SLC22A3: variants seen among roughly 807,000 people sequenced by gnomAD.
SLC22A3 encodes the protein solute carrier family 22 member 3, also known as EMT organic cation transporter 3.
In SLC22A3, 51 loss-of-function variants were observed where a neutral mutation model predicts 59.1. The ratio of observed to expected loss-of-function variants is 0.86; its 90% CI spans 0.69 to 1.09. The LOEUF (loss-of-function observed/expected upper bound fraction) is 1.09. SLC22A3 is among the 50% of genes least tolerant of loss of function. The probability of loss-of-function intolerance (pLI) is 0.00; values close to 1 mark genes in which losing one functional copy is unlikely to be tolerated. For missense variants in SLC22A3, 711 were observed against 726.3 expected, an observed-to-expected ratio of 0.98 and a Z score of 0.24; for synonymous variants, 325 against 292.0, an observed-to-expected ratio of 1.11 and a Z score of -1.15.
At chr6:160,431,674 T>G (rs1299379143) in intron 5 of SLC22A3, among the ~76,000 whole-genome samples, 1 of 152,186 alleles carries the variant, frequency 6.6e-6, no homozygotes, top group African/African-American at 2.4e-5. Context: ...AAATTAAGAC[T>G]TATACCAGGT....
intron 1 of SLC22A3, among the ~76,000 whole-genome samples, chr6:160,378,036 T>C (rs562259258): frequency 1.3e-5 from 2 of 152,326 alleles, no homozygotes; most frequent in Admixed American, 1.3e-4. Flanking sequence ...TTAACACTCC[T>C]TCAACATTCA....
At position 160,415,553 on chromosome 6, in the gene SLC22A3, G is replaced by A. The variant is rs1301579226; in HGVS notation, c.975+4707G>A. Among the ~76,000 whole-genome samples the A allele has an allele frequency of 6.6e-6, 1 of 152,190 alleles. No homozygotes were observed. The highest frequency in any genetic ancestry group is 2.4e-5 in the African/African-American group (1 of 41,464). ...TTCCAGGATGTTCAGACCCACGACT[G>A]AAGTTCCCAGCAATCTCTTTTTACT... On this transcript the variant is annotated intron_variant, in intron 5 of 10. Transcript: ENST00000275300. This position sits in a 1 kb window ranked among gnomAD's most constrained non-coding sequence, Gnocchi z 4.1.
chr6:160,418,502 T>G (rs148114336), intron 5 of SLC22A3, among the ~76,000 whole-genome samples: 1 of 152,214 alleles, frequency 6.6e-6, no homozygotes, highest in Admixed American at 6.5e-5. Context: ...CCAATTCTCC[T>G]AATAAACTCC....
At chr6:160,356,988 G>A (rs998298620) in intron 1 of SLC22A3, among the ~76,000 whole-genome samples, 1 of 152,142 alleles carries the variant, frequency 6.6e-6, no homozygotes, top group African/African-American at 2.4e-5. Context: ...TTAGAAGAAG[G>A]TGAATAAATA....
chr6:160,437,063 T>C lies in SLC22A3; in HGVS notation c.1140T>C (p.Tyr380=), dbSNP rs777831000. ...TGGGAATTATAGGGGGCAACCTCTATATAGACTTTTTCATCTCGGGCGTGG... is the reference window on the plus strand; with the variant it reads ...TGGGAATTATAGGGGGCAACCTCTACATAGACTTTTTCATCTCGGGCGTGG... ...MRLGIIGGNL[Y]IDFFISGVVE... Residue 380 remains tyrosine, a synonymous_variant, in exon 7 of 11, where the codon TAT becomes TAC. Coordinates refer to ENST00000275300, the MANE Select transcript of SLC22A3 (RefSeq NM_021977.4). 79 of 1,614,038 alleles carry C rather than the reference T, an allele frequency of 4.9e-5. 1 individual carries two copies. In the Middle Eastern group the frequency reaches 4.9e-4, roughly 10 times the overall value.
At chr6:160,431,604 A>G (rs1486225199) in intron 5 of SLC22A3, among the ~76,000 whole-genome samples, 1 of 152,104 alleles carries the variant, frequency 6.6e-6, no homozygotes, top group Non-Finnish European at 1.5e-5. Flanking sequence ...GAGGCAGTAA[A>G]CTTGTGGTCT....
At chr6:160,449,962 G>A (rs1170599008) in intron 10 of SLC22A3, among the ~76,000 whole-genome samples, 2 of 152,150 alleles carry the variant, frequency 1.3e-5, no homozygotes, top group African/African-American at 4.8e-5. Flanking sequence ...AAGATCACAA[G>A]GCAAAGGGCA....
chr6:160,398,635 T>C (rs545973391), intron 2 of SLC22A3, among the ~76,000 whole-genome samples: 1 of 152,364 alleles, frequency 6.6e-6, no homozygotes, highest in Admixed American at 6.5e-5. Flanking sequence ...GCAGGCATGG[T>C]GAGTGTGTAT....
At chr6:160,443,489 C>A in intron 8 of SLC22A3, 141 bp from the exon 9 acceptor site, 1 of 672,548 alleles carries the variant, frequency 1.5e-6, no homozygotes, top group Non-Finnish European at 2.7e-6. Flanking sequence ...GCTTAGAGTT[C>A]TGAGAGTAGT....
intron 9 of SLC22A3, among the ~76,000 whole-genome samples, chr6:160,447,278 G>A (rs1447781893): frequency 6.6e-6 from 1 of 152,178 alleles, no homozygotes; most frequent in Non-Finnish European, 1.5e-5. Flanking sequence ...GAGAAGGCTG[G>A]TCCCGGAGTA....
intron 1 of SLC22A3, among the ~76,000 whole-genome samples, chr6:160,396,245 T>C (rs1390933982): frequency 2.0e-5 from 3 of 152,174 alleles, no homozygotes; most frequent in Non-Finnish European, 4.4e-5. Context: ...ATGGGACAAT[T>C]TGACATATTG....
chr6:160,389,159 C>T (rs887607944), intron 1 of SLC22A3, among the ~76,000 whole-genome samples: 2 of 152,080 alleles, frequency 1.3e-5, no homozygotes, highest in Non-Finnish European at 1.5e-5. Context: ...TGAAATATCT[C>T]GTATAGAAGG....
intron 1 of SLC22A3, among the ~76,000 whole-genome samples, chr6:160,357,320 G>A (rs555796402): frequency 1.1e-4 from 17 of 152,296 alleles, no homozygotes; most frequent in Admixed American, 4.6e-4. Flanking sequence ...ATGGAAAAGC[G>A]TCCCAGAAGC....
Position 160,451,590 on chromosome 6 carries a change from C to T in SLC22A3, c.*534C>T, listed in dbSNP as rs1333407803. The T allele has an allele frequency of 1.2e-5, 2 of 162,438 alleles. No individual in the cohort carries two copies. Among genetic ancestry groups the T allele is most frequent in the East Asian group, 1.7e-4 (1 of 5,904 alleles). The allele number at this position is 162,438 out of a possible 1,614,324, so 10.1% of individuals were successfully genotyped here. A position where few individuals can be genotyped will look rare whatever the true frequency, so the allele number is the denominator to read the frequency against. ...AGGCACCTGGGCCAAAGGGTGTGAG[C>T]ATTCATGTTCTCTGCTCACCTTGGT... On this transcript the variant is annotated 3_prime_UTR_variant, in exon 11 of 11. Coordinates refer to ENST00000275300, the MANE Select transcript of SLC22A3 (RefSeq NM_021977.4).
intron 3 of SLC22A3, among the ~76,000 whole-genome samples, chr6:160,408,402 GT>G (rs1395550015): frequency 6.6e-6 from 1 of 152,162 alleles, no homozygotes; most frequent in Non-Finnish European, 1.5e-5. Context: ...ACATATTTAT[GT>G]TTTGATAATT....
intron 1 of SLC22A3, among the ~76,000 whole-genome samples, chr6:160,354,774 T>A (rs1784773637): frequency 6.6e-6 from 1 of 152,090 alleles, no homozygotes. Flanking sequence ...GAAGACCCTG[T>A]CTCTAAAAAA....
intron 8 of SLC22A3, 141 bp downstream of exon 8, chr6:160,443,010 A>T: frequency 1.4e-6 from 1 of 716,098 alleles, no homozygotes; most frequent in African/African-American, 1.8e-5. Flanking sequence ...TAAAGAAGAT[A>T]TGCTTTGAGT....
chr6:160,363,853 C>T (rs1260781864), intron 1 of SLC22A3, among the ~76,000 whole-genome samples: 1 of 151,800 alleles, frequency 6.6e-6, no homozygotes, highest in Non-Finnish European at 1.5e-5. Flanking sequence ...AGCATGCCGG[C>T]CCCACTTTCT....
chr6:160,389,559 C>T (rs940546889), intron 1 of SLC22A3, among the ~76,000 whole-genome samples: 6 of 152,224 alleles, frequency 3.9e-5, no homozygotes, highest in Non-Finnish European at 7.3e-5. Context: ...TGATGTGCAG[C>T]GTGGCATGTC....
Sources: allele counts gnomAD v4.1 joint callset (sites outside exome capture counted in the v4.1 genomes callset), GRCh38; gene constraint gnomAD v4.1.1; non-coding constraint Gnocchi (gnomAD v3.1); transcripts MANE v1.5; gene names NCBI Gene and HGNC (gene_info 2026-07-23, HGNC 2026-07-21).